The following LMNA variants were observed in gnomAD, a reference collection of about 807,000 sequenced individuals.
LMNA encodes lamin.
A neutral mutation model predicts 70.4 loss-of-function variants in LMNA; 20 were observed. That is an observed-to-expected ratio of 0.28 (90% CI 0.20 to 0.41). LMNA has a LOEUF of 0.41. LMNA is among the 10% of genes least tolerant of loss of function. The probability of loss-of-function intolerance (pLI) is 1.00; values close to 1 mark genes in which losing one functional copy is unlikely to be tolerated. For synonymous variants in LMNA, 339 were observed against 372.8 expected (o/e 0.91, Z 1.04); for missense variants, 652 against 917.2 (o/e 0.71, Z 3.73).
At chr1:156,118,125 C>T (rs1311325498) in intron 1 of LMNA, among the ~76,000 whole-genome samples, 3 of 152,044 alleles carry the variant, frequency 2.0e-5, no homozygotes, top group Non-Finnish European at 2.9e-5. Context: ...GGCCTGACGC[C>T]AGGCCTGTCT....
At chr1:156,130,566 C>G (rs1572352766) in intron 1 of LMNA, 51 bp from the exon 2 acceptor site, 1 of 1,598,856 alleles carries the variant, frequency 6.3e-7, no homozygotes, top group East Asian at 2.2e-5. Context: ...CTGGCACTGT[C>G]TAGGCACACA....
Position 156,138,348 on chromosome 1 carries a change from C to G in LMNA, c.1699-140C>G. ...CCGGGCCCCTAGCCTCCCAAACCCC[C>G]ATTGCCCGCTGGCTCCTTGGGCACA... On this transcript the variant is annotated intron_variant, in intron 10 of 11. Coordinates refer to ENST00000368300, the MANE Select transcript of LMNA (RefSeq NM_170707.4). The surrounding 1 kb of genome is among the most constrained non-coding windows in gnomAD (Gnocchi z 5.5). 1 of 912,092 alleles carries G rather than the reference C, an allele frequency of 1.1e-6. No individual in the cohort carries two copies. The highest frequency in any genetic ancestry group is 1.6e-5 in the South Asian group (1 of 61,318). The allele number at this position is 912,092 out of a possible 1,614,324, so 56.5% of individuals were successfully genotyped here.
At chr1:156,091,950 T>C (rs1648720467) in intron 3 of LMNA, among the ~76,000 whole-genome samples, 1 of 151,776 alleles carries the variant, frequency 6.6e-6, no homozygotes, top group Non-Finnish European at 1.5e-5. Context: ...GGAGTTTTGC[T>C]CTTGTTGCCC....
At chr1:156,087,844 T>C (rs1648538594) in intron 2 of LMNA, among the ~76,000 whole-genome samples, 2 of 151,866 alleles carry the variant, frequency 1.3e-5, no homozygotes, top group African/African-American at 4.8e-5. Flanking sequence ...TGAGCCACCA[T>C]GCCCAGCCTT....
At chr1:156,122,882 A>G (rs1650292670) in intron 1 of LMNA, among the ~76,000 whole-genome samples, 1 of 152,178 alleles carries the variant, frequency 6.6e-6, no homozygotes, top group Admixed American at 6.5e-5. Flanking sequence ...GCCCCTACCA[A>G]TCCCTTAAGG....
intron 1 of LMNA, chr1:156,126,584 A>G: frequency 2.4e-6 from 2 of 836,650 alleles, no homozygotes; most frequent in Non-Finnish European, 4.1e-6. Flanking sequence ...GGCCTGCTGC[A>G]GCTGGGGAGC....
At chr1:156,100,827 C>A (rs115102060) in intron 3 of LMNA, among the ~76,000 whole-genome samples, 102 of 152,264 alleles carry the variant, frequency 6.7e-4, no homozygotes, top group African/African-American at 2.3e-3. Context: ...CAGTCTCTAC[C>A]CTTGAGGAGT....
chr1:156,129,757 G>A, intron 1 of LMNA: 1 of 690,324 alleles, frequency 1.4e-6, no homozygotes. Flanking sequence ...CCCAGAAAAG[G>A]TGAGGGAGGT....
intron 3 of LMNA, among the ~76,000 whole-genome samples, chr1:156,107,495 G>A (rs1009045737): frequency 2.0e-5 from 3 of 152,236 alleles, no homozygotes; most frequent in African/African-American, 7.2e-5. Context: ...ATTCCTCAGA[G>A]CCCAGGGGCC....
chr1:156,133,606 G>A (rs959225355), intron 2 of LMNA, among the ~76,000 whole-genome samples: 1 of 151,918 alleles, frequency 6.6e-6, no homozygotes, highest in African/African-American at 2.4e-5. Flanking sequence ...GAAAATCTAA[G>A]CGTGGTGCTC....
chr1:156,096,670 A>G lies in LMNA; in HGVS notation c.-207+6088A>G, dbSNP rs140357230. Among the ~76,000 whole-genome samples the G allele has an allele frequency of 1.5e-3, 224 of 152,366 alleles. 1 individual carries two copies. Among genetic ancestry groups the G allele is most frequent in the African/African-American group, 5.0e-3 (209 of 41,582 alleles). ...GTACTGAGTAAATATCTGTGAATGA[A>G]TGAATGATGTGGAATGTCTCCTCTG... On this transcript the variant is annotated intron_variant, in intron 3 of 12. Transcript: ENST00000368301.
chr1:156,115,548 G>C lies in LMNA; in HGVS notation c.356+274G>C, dbSNP rs371260120. Among the ~76,000 whole-genome samples, 1 of 152,324 alleles carries C rather than the reference G, an allele frequency of 6.6e-6. No individual in the cohort carries two copies. Among genetic ancestry groups the C allele is most frequent in the African/African-American group, 2.4e-5 (1 of 41,576 alleles). ...TCAGGGACAAGTTGGGGCTGGGGCC[G>C]GCCTGAATTCGGTCAGATTGGGATT... is the stretch of plus-strand genomic sequence containing the variant. On this transcript the variant is annotated intron_variant, in intron 1 of 11. Coordinates refer to ENST00000368300, the MANE Select transcript of LMNA (RefSeq NM_170707.4). The surrounding 1 kb of genome is among the most constrained non-coding windows in gnomAD (Gnocchi z 5.8).
In LMNA at chr1:156,139,910, A is replaced by T. The variant is rs1031137530; in HGVS notation, c.*804A>T. 2.2e-6 allele frequency: 3 copies of T among 1,349,406 alleles called. No homozygotes were observed. In the Admixed American group the frequency reaches 8.0e-5, roughly 36 times the overall value. 83.6% of individuals were successfully genotyped at this position (1,349,406 alleles called of 1,614,324 possible). On this transcript the variant is annotated 3_prime_UTR_variant, in exon 12 of 12. Coordinates refer to ENST00000368300, the MANE Select transcript of LMNA (RefSeq NM_170707.4). ...CAAGTGGGGTGCTGGGAGGAGGGAG[A>T]GGGAGGTCACTGGAAAGGGGAGAGC...
intron 1 of LMNA, among the ~76,000 whole-genome samples, chr1:156,116,690 G>A (rs1290900334): frequency 2.6e-5 from 4 of 151,910 alleles, no homozygotes; most frequent in Non-Finnish European, 4.4e-5. Flanking sequence ...TCAGCCTCCC[G>A]AATAGCTGAG....
rs1649683949 is a variant in LMNA, at chr1:156,114,816, C to T, written c.-103C>T. On this transcript the variant is annotated 5_prime_UTR_variant, in exon 1 of 12. Coordinates refer to ENST00000368300, the MANE Select transcript of LMNA (RefSeq NM_170707.4). Reference sequence around the variant, plus strand: ...TGCCAGGAGCAAGCCGAGAGCCAGCCGGCCGGCGCACTCCGACTCCGAGCA... The same window carrying T: ...TGCCAGGAGCAAGCCGAGAGCCAGCTGGCCGGCGCACTCCGACTCCGAGCA... 2.5e-6 allele frequency: 2 copies of T among 796,282 alleles called. No homozygotes were observed. Among genetic ancestry groups the T allele is most frequent in the Admixed American group, 3.1e-5 (1 of 32,518 alleles). The allele number at this position is 796,282 out of a possible 1,614,324, so 49.3% of individuals were successfully genotyped here.
At position 156,134,541 on chromosome 1, in the gene LMNA, C is replaced by T. The variant is rs1200617506; in HGVS notation, c.639+13C>T. ...CATCTACAGTGAGGTGGGGACTGTG[C>T]TTTGCAAGCCAGAGGGCTGGGGCTG... On this transcript the variant is annotated intron_variant, in intron 3 of 11. Coordinates refer to ENST00000368300, the MANE Select transcript of LMNA (RefSeq NM_170707.4). This position sits in a 1 kb window ranked among gnomAD's most constrained non-coding sequence, Gnocchi z 5.3. 1.2e-6 allele frequency: 2 copies of T among 1,613,638 alleles called. No individual in the cohort carries two copies. Among genetic ancestry groups the T allele is most frequent in the South Asian group, 1.1e-5 (1 of 91,036 alleles).
Position 156,126,354 on chromosome 1 carries a change from C to A in LMNA, c.357-4263C>A, listed in dbSNP as rs1273377719. ...GTGTCTGTCCCTCTTGCTTCTCCCC[C>A]AGATTGGGAGAGGAAACGGAGGCCT... On this transcript the variant is annotated intron_variant, in intron 1 of 11. Coordinates refer to ENST00000368300, the MANE Select transcript of LMNA (RefSeq NM_170707.4). The A allele has an allele frequency of 5.1e-6, 4 of 790,884 alleles. No homozygotes were observed. The East Asian group carries it at 8.3e-5, about 17-fold the overall frequency. The allele number at this position is 790,884 out of a possible 1,614,324, so 49.0% of individuals were successfully genotyped here.
At chr1:156,097,274 CAGGAA>C (rs1266327517) in intron 3 of LMNA, among the ~76,000 whole-genome samples, 3 of 152,150 alleles carry the variant, frequency 2.0e-5, no homozygotes, top group Non-Finnish European at 4.4e-5. Flanking sequence ...TGATTCACCA[CAGGAA>C]AGGGAAGGCT....
chr1:156,089,996 G>A (rs910764387), intron 2 of LMNA, among the ~76,000 whole-genome samples: 6 of 152,140 alleles, frequency 3.9e-5, no homozygotes, highest in Admixed American at 6.5e-5. Flanking sequence ...TTCGAGCTGC[G>A]GTGAGGGAGG....
Sources: allele counts gnomAD v4.1 joint callset (sites outside exome capture counted in the v4.1 genomes callset), GRCh38; gene constraint gnomAD v4.1.1; non-coding constraint Gnocchi (gnomAD v3.1); transcripts MANE v1.5; gene names NCBI Gene and HGNC (gene_info 2026-07-23, HGNC 2026-07-21).